The following PRRT3 variants were observed in gnomAD, a reference collection of about 807,000 sequenced individuals.
PRRT3 encodes proline-rich transmembrane protein 3.
In PRRT3, 48 loss-of-function variants were observed where a neutral mutation model predicts 56.6. The ratio of observed to expected loss-of-function variants is 0.85; its 90% CI spans 0.67 to 1.08. The LOEUF is 1.08. PRRT3 is among the 50% of genes least tolerant of loss of function. PRRT3 has a pLI of 0.00. For synonymous variants in PRRT3, 641 were observed against 619.1 expected, an observed-to-expected ratio of 1.04 and a Z score of -0.52; for missense variants, 1,370 against 1,353.1, an observed-to-expected ratio of 1.01 and a Z score of -0.20.
chr3:9,952,156 C>T (rs2085629750), intron 1 of PRRT3, among the ~76,000 whole-genome samples, 166 bp downstream of exon 1: 1 of 152,180 alleles, frequency 6.6e-6, no homozygotes, highest in Admixed American at 6.5e-5. Context: ...CCTCCTCCTC[C>T]TCCTCCTCCT....
intron 1 of PRRT3, among the ~76,000 whole-genome samples, chr3:9,950,937 C>T (rs977245051): frequency 2.0e-5 from 3 of 152,240 alleles, no homozygotes; most frequent in Non-Finnish European, 4.4e-5. Flanking sequence ...TTTCACCTCT[C>T]TGCATCATAG....
rs1248755056 is a variant in PRRT3 at position 9,949,164 on chromosome 3, A to G, written c.952T>C (p.Ser318Pro). 1.1e-5 allele frequency: 18 copies of G among 1,612,250 alleles called. No homozygotes were observed. The highest frequency in any genetic ancestry group is 4.5e-5 in the East Asian group (2 of 44,854). ...GGATCCGTGGGCTGGGGTCCTGGTGAATCCTTAGCGTCAGGAAGGTCAGCC... is the reference window on the plus strand; with the variant it reads ...GGATCCGTGGGCTGGGGTCCTGGTGGATCCTTAGCGTCAGGAAGGTCAGCC... ...KQADLPDAKDSPGPQPTDPPA... is the reference protein window; with the variant it reads ...KQADLPDAKDPPGPQPTDPPA... The change falls in exon 2 of 4, where the codon TCA (serine) becomes CCA (proline). Residue 318 changes from serine (S) to proline (P), a missense_variant. By Grantham distance (74) the Ser-to-Pro change is moderately conservative. Transcript: ENST00000412055. This position sits in a 1 kb window ranked among gnomAD's most constrained non-coding sequence, Gnocchi z 4.5.
chr3:9,946,923 G>T lies in PRRT3; in HGVS notation c.2250C>A (p.Ile750=), dbSNP rs769835123. 1 of 1,540,548 alleles carries T rather than the reference G, an allele frequency of 6.5e-7. No homozygotes were observed. Among genetic ancestry groups the T allele is most frequent in the East Asian group, 2.4e-5 (1 of 41,510 alleles). ...CCGGGTTGCGGATGAGGCTCTTGCTGATGTCCAAGCTGCCTGCACCAACGT... is the reference window on the plus strand; with the variant it reads ...CCGGGTTGCGGATGAGGCTCTTGCTTATGTCCAAGCTGCCTGCACCAACGT... ...PSNVGAGSLD[I]SKSLIRNPAE... Residue 750 remains isoleucine (I), a synonymous_variant, in exon 4 of 4, where the codon ATC becomes ATA. Transcript: ENST00000412055. This position sits in a 1 kb window ranked among gnomAD's most constrained non-coding sequence, Gnocchi z 4.1.
chr3:9,946,586 C>A lies in PRRT3; in HGVS notation c.2587G>T (p.Ala863Ser), dbSNP rs575538005. Residue 863 changes from alanine (A) to serine (S), a missense_variant, in exon 4 of 4, where the codon GCT becomes TCT. Ala to Ser is a moderately conservative substitution (Grantham distance 99, BLOSUM62 1). Transcript: ENST00000412055. This position sits in a 1 kb window ranked among gnomAD's most constrained non-coding sequence, Gnocchi z 4.1. ...CGGCCGCGGAGGAGCGAGGAGCCAG[C>A]GTCGTCGAGCTCGGCTTTGGGATGG... Reference protein sequence around the residue: ...GSHPKAELDDAGSSLLRGRCR... With the variant: ...GSHPKAELDDSGSSLLRGRCR... The A allele has an allele frequency of 7.1e-7, 1 of 1,402,934 alleles. No individual in the cohort carries two copies. Among genetic ancestry groups the A allele is most frequent in the Non-Finnish European group, 9.2e-7 (1 of 1,082,622 alleles). The allele number at this position is 1,402,934 out of a possible 1,614,324, so 86.9% of individuals were successfully genotyped here. A position where few individuals can be genotyped will look rare whatever the true frequency, so the allele number is the denominator to read the frequency against.
At position 9,946,271 on chromosome 3, in the gene PRRT3, G is replaced by T; in HGVS notation, c.2902C>A (p.Pro968Thr). Residue 968 changes from proline (P) to threonine (T), a missense_variant, in exon 4 of 4, where the codon CCT becomes ACT. By Grantham distance (38) the Pro-to-Thr change is conservative (BLOSUM62 -1). Transcript: ENST00000412055. This position sits in a 1 kb window ranked among gnomAD's most constrained non-coding sequence, Gnocchi z 4.1. The part of the protein sequence containing the change: ...GQGEVQPRGK[P>T]GESRSASSDT... ...CTGGAGGCGCTGCGGGATTCCCCAGGCTTGCCGCGCGGCTGGACCTCTCCC... is the reference window on the plus strand; with the variant it reads ...CTGGAGGCGCTGCGGGATTCCCCAGTCTTGCCGCGCGGCTGGACCTCTCCC... The T allele has an allele frequency of 6.2e-7, 1 of 1,612,756 alleles. No individual in the cohort carries two copies. The highest frequency in any genetic ancestry group is 2.2e-5 in the East Asian group (1 of 44,830).
In PRRT3 at chr3:9,951,885, G is replaced by A. The variant is rs181733068; in HGVS notation, c.-58+437C>T. On this transcript the variant is annotated intron_variant, in intron 1 of 3. Coordinates refer to ENST00000412055, the MANE Select transcript of PRRT3 (RefSeq NM_207351.5). ...CCTCGGAGGCTCATCTTCCACAGGA[G>A]GTCCAAAAAGCTTTGCCGAGAAAAC... Among the ~76,000 whole-genome samples, 1,060 of 152,328 alleles carry A rather than the reference G, an allele frequency of 7.0e-3. 3 individuals carry two copies. Among genetic ancestry groups the A allele is most frequent in the Non-Finnish European group, 0.011 (758 of 68,030 alleles).
chr3:9,946,012 G>A lies in PRRT3; in HGVS notation c.*215C>T, dbSNP rs1434893554. ...CCTGGCTAATTTTTTTGTATTTTTA[G>A]TAGAGACGAGGGTTTCGCTATGTTC... On this transcript the variant is annotated 3_prime_UTR_variant, in exon 4 of 4. Coordinates refer to ENST00000412055, the MANE Select transcript of PRRT3 (RefSeq NM_207351.5). This position sits in a 1 kb window ranked among gnomAD's most constrained non-coding sequence, Gnocchi z 4.1. 3.7e-5 allele frequency: 24 copies of A among 651,100 alleles called. No individual in the cohort carries two copies. Among genetic ancestry groups the A allele is most frequent in the Admixed American group, 3.6e-5 (1 of 27,496 alleles). The allele number at this position is 651,100 out of a possible 1,614,324, so 40.3% of individuals were successfully genotyped here.
At position 9,946,512 on chromosome 3, in the gene PRRT3, G is replaced by T; in HGVS notation, c.2661C>A (p.His887Gln). Residue 887 changes from histidine (H) to glutamine (Q), a missense_variant, in exon 4 of 4, where the codon CAC becomes CAA. Transcript: ENST00000412055. This position sits in a 1 kb window ranked among gnomAD's most constrained non-coding sequence, Gnocchi z 4.1. ...DVRVRGPVPQ[H>Q]VVEAPDGAAA... is the part of the protein sequence containing the mutation. ...CTGCCCCGTCGGGTGCTTCCACTAC[G>T]TGCTGTGGGACCGGCCCGCGCACGC... is the stretch of plus-strand genomic sequence containing the variant. 1 of 1,521,916 alleles carries T rather than the reference G, an allele frequency of 6.6e-7. No homozygotes were observed. Among genetic ancestry groups the T allele is most frequent in the South Asian group, 1.2e-5 (1 of 81,120 alleles). 94.3% of individuals were successfully genotyped at this position (1,521,916 alleles called of 1,614,324 possible). A position where few individuals can be genotyped will look rare whatever the true frequency, so the allele number is the denominator to read the frequency against.
At position 9,949,536 on chromosome 3, in the gene PRRT3, T is replaced by C. The variant is rs1451627794; in HGVS notation, c.580A>G (p.Ser194Gly). 1 of 1,613,876 alleles carries C rather than the reference T, an allele frequency of 6.2e-7. No homozygotes were observed. Among genetic ancestry groups the C allele is most frequent in the East Asian group, 2.2e-5 (1 of 44,886 alleles). ...RDEGLKAKTKSRVPPTSPSDH... is the reference protein window; with the variant it reads ...RDEGLKAKTKGRVPPTSPSDH... ...GAGGGAGAAGTGGGTGGGACCCTGC[T>C]CTTAGTTTTGGCCTTCAGACCCTCA... Residue 194 changes from serine (S) to glycine (G), a missense_variant, in exon 2 of 4, where the codon AGC becomes GGC. Physicochemically the swap from Ser to Gly is moderately conservative, Grantham distance 56. Coordinates refer to ENST00000412055, the MANE Select transcript of PRRT3 (RefSeq NM_207351.5). This position sits in a 1 kb window ranked among gnomAD's most constrained non-coding sequence, Gnocchi z 4.5.
At position 9,952,145 on chromosome 3, in the gene PRRT3, T is replaced by G. The variant is rs530114196; in HGVS notation, c.-58+177A>C. Among the ~76,000 whole-genome samples, 139 of 151,026 alleles carry G rather than the reference T, an allele frequency of 9.2e-4. 1 individual carries two copies. Among genetic ancestry groups the G allele is most frequent in the Middle Eastern group, 3.4e-3 (1 of 294 alleles). On this transcript the variant is annotated intron_variant, in intron 1 of 3. Coordinates refer to ENST00000412055, the MANE Select transcript of PRRT3 (RefSeq NM_207351.5). ...GAGCTGGTCCATCTCGGGTTACCTC[T>G]CCTCCTCCTCCTCCTCCTCCTCCGT... is the stretch of plus-strand genomic sequence containing the variant.
chr3:9,950,822 G>C (rs1397160794), intron 1 of PRRT3, among the ~76,000 whole-genome samples: 1 of 152,152 alleles, frequency 6.6e-6, no homozygotes, highest in East Asian at 1.9e-4. Context: ...ATTCCTAAAG[G>C]CCCACTTCAA....
Position 9,949,001 on chromosome 3 carries a change from C to T in PRRT3, c.1016-88G>A, listed in dbSNP as rs1312956941. The T allele has an allele frequency of 1.3e-6, 2 of 1,515,338 alleles. No individual in the cohort carries two copies. The highest frequency in any genetic ancestry group is 8.8e-7 in the Non-Finnish European group (1 of 1,135,712). 93.9% of individuals were successfully genotyped at this position (1,515,338 alleles called of 1,614,324 possible). ...ATTGAGTCACAATCAACCTCATTTG[C>T]CACAAAGAGGAAAATGAGACCTAGA... On this transcript the variant is annotated intron_variant, in intron 2 of 3. Coordinates refer to ENST00000412055, the MANE Select transcript of PRRT3 (RefSeq NM_207351.5). The surrounding 1 kb of genome is among the most constrained non-coding windows in gnomAD (Gnocchi z 4.5).
In PRRT3 at chr3:9,946,542, G is replaced by C. The variant is rs758649125; in HGVS notation, c.2631C>G (p.Asp877Glu). The C allele has an allele frequency of 2.1e-6, 3 of 1,446,096 alleles. No individual in the cohort carries two copies. In the South Asian group the frequency reaches 4.3e-5, roughly 21 times the overall value. The allele number at this position is 1,446,096 out of a possible 1,614,324, so 89.6% of individuals were successfully genotyped here. A position where few individuals can be genotyped will look rare whatever the true frequency, so the allele number is the denominator to read the frequency against. ...LLRGRCRSLS[D>E]VRVRGPVPQH... Reference sequence around the variant, plus strand: ...GTGGGACCGGCCCGCGCACGCGCACGTCGCTGAGCGACCTGCAGCGGCCGC... The same window carrying C: ...GTGGGACCGGCCCGCGCACGCGCACCTCGCTGAGCGACCTGCAGCGGCCGC... Residue 877 changes from aspartate to glutamate, a missense_variant, in exon 4 of 4, where the codon GAC (aspartate) becomes GAG (glutamate). Asp to Glu is a conservative substitution (Grantham distance 45). Coordinates refer to ENST00000412055, the MANE Select transcript of PRRT3 (RefSeq NM_207351.5). This position sits in a 1 kb window ranked among gnomAD's most constrained non-coding sequence, Gnocchi z 4.1.
At chr3:9,951,950 T>C (rs1006917310) in intron 1 of PRRT3, among the ~76,000 whole-genome samples, 2 of 152,202 alleles carry the variant, frequency 1.3e-5, no homozygotes, top group Admixed American at 1.3e-4. Context: ...GCCATCTGCC[T>C]ACCACTGCCA....
rs750061810 is a variant in PRRT3, at chr3:9,949,725, G to A, written c.391C>T (p.Leu131=). 1.9e-6 allele frequency: 3 copies of A among 1,614,188 alleles called. No homozygotes were observed. Among genetic ancestry groups the A allele is most frequent in the Non-Finnish European group, 2.5e-6 (3 of 1,180,038 alleles). The change falls in exon 2 of 4, where the codon CTG becomes TTG. Residue 131 remains leucine (L), a synonymous_variant. Coordinates refer to ENST00000412055, the MANE Select transcript of PRRT3 (RefSeq NM_207351.5). This position sits in a 1 kb window ranked among gnomAD's most constrained non-coding sequence, Gnocchi z 4.5. ...TGCTGCAGAAGCTCTTGTGAGTCCA[G>A]AGGTCCTGTCCAGCCGTGGGAGCTT... ...GPSSHGWTGP[L]DSQELLQQEA... is the part of the protein sequence containing the mutation.
At position 9,952,339 on chromosome 3, in the gene PRRT3, C is replaced by G. The variant is rs1274229899; in HGVS notation, c.-75G>C. ...CTCCTCACCTGCGCGCCGCAGCCCCCGTGTTCACCTTGCGCGCGTCCCTGC... is the reference window on the plus strand; with the variant it reads ...CTCCTCACCTGCGCGCCGCAGCCCCGGTGTTCACCTTGCGCGCGTCCCTGC... On this transcript the variant is annotated 5_prime_UTR_variant, in exon 1 of 4. Coordinates refer to ENST00000412055, the MANE Select transcript of PRRT3 (RefSeq NM_207351.5). 6.6e-6 allele frequency: 1 copy of G among 152,280 alleles called. No individual in the cohort carries two copies. Among genetic ancestry groups the G allele is most frequent in the Non-Finnish European group, 1.5e-5 (1 of 68,096 alleles). 9.4% of individuals were successfully genotyped at this position (152,280 alleles called of 1,614,324 possible).
Position 9,949,168 on chromosome 3 carries a change from C to A in PRRT3, c.948G>T (p.Lys316Asn). The A allele has an allele frequency of 6.2e-7, 1 of 1,612,490 alleles. No individual in the cohort carries two copies. The highest frequency in any genetic ancestry group is 1.1e-5 in the South Asian group (1 of 90,968). ...PPKQADLPDA[K>N]DSPGPQPTDP... ...CCGTGGGCTGGGGTCCTGGTGAATC[C>A]TTAGCGTCAGGAAGGTCAGCCTGCT... The change falls in exon 2 of 4, where the codon AAG becomes AAT. Residue 316 changes from lysine (K) to asparagine (N), a missense_variant. Coordinates refer to ENST00000412055, the MANE Select transcript of PRRT3 (RefSeq NM_207351.5). The surrounding 1 kb of genome is among the most constrained non-coding windows in gnomAD (Gnocchi z 4.5).
Position 9,947,990 on chromosome 3 carries a change from C to A in PRRT3, c.1183G>T (p.Glu395Ter). Residue 395 changes from glutamate (E) to a stop codon, truncating the protein, a stop_gained, in exon 4 of 4, where the codon GAG (glutamate) becomes TAG (stop). Coordinates refer to ENST00000412055, the MANE Select transcript of PRRT3 (RefSeq NM_207351.5). LOFTEE classifies it high-confidence loss of function. The surrounding 1 kb of genome is among the most constrained non-coding windows in gnomAD (Gnocchi z 9.2). ...MGALQPDEAE[E>*]WPGRPQSHPP... is the part of the protein sequence containing the mutation. Reference sequence around the variant, plus strand: ...TGGCTTTGGGGGCGCCCCGGCCACTCCTCGGCTTCATCTGCAATTATAACA... The same window carrying A: ...TGGCTTTGGGGGCGCCCCGGCCACTACTCGGCTTCATCTGCAATTATAACA... 1 of 1,346,278 alleles carries A rather than the reference C, an allele frequency of 7.4e-7. No individual in the cohort carries two copies. Among genetic ancestry groups the A allele is most frequent in the East Asian group, 2.8e-5 (1 of 35,584 alleles). The allele number at this position is 1,346,278 out of a possible 1,614,324, so 83.4% of individuals were successfully genotyped here.
Position 9,952,313 on chromosome 3 carries a change from G to A in PRRT3, c.-58+9C>T. 1 of 152,530 alleles carries A rather than the reference G, an allele frequency of 6.6e-6. No homozygotes were observed. The highest frequency in any genetic ancestry group is 1.5e-5 in the Non-Finnish European group (1 of 68,194). The allele number at this position is 152,530 out of a possible 1,614,324, so 9.4% of individuals were successfully genotyped here. ...CCGCCATCGCCCCCTCCCTGGGCCAGCTCCTCACCTGCGCGCCGCAGCCCC... is the reference window on the plus strand; with the variant it reads ...CCGCCATCGCCCCCTCCCTGGGCCAACTCCTCACCTGCGCGCCGCAGCCCC... On this transcript the variant is annotated intron_variant, in intron 1 of 3. Transcript: ENST00000412055.
Sources: allele counts gnomAD v4.1 joint callset (sites outside exome capture counted in the v4.1 genomes callset), GRCh38; gene constraint gnomAD v4.1.1; non-coding constraint Gnocchi (gnomAD v3.1); transcripts MANE v1.5; gene names NCBI Gene and HGNC (gene_info 2026-07-23, HGNC 2026-07-21).